Variants in TASP1 observed in about 807,000 individuals in gnomAD.
TASP1 encodes taspase 1.
Under a neutral mutation model 56.6 loss-of-function variants are expected in TASP1, and 16 were observed. That is an observed-to-expected ratio of 0.28 (90% CI 0.19 to 0.43). The LOEUF (loss-of-function observed/expected upper bound fraction) is 0.43, where lower values mean the gene tolerates loss of function less well. Ranked by LOEUF, TASP1 falls within the 20% of genes least tolerant of loss-of-function variation. TASP1 has a pLI of 1.00. For synonymous variants in TASP1, 179 were observed against 184.2 expected (o/e 0.97, Z 0.23); for missense variants, 393 against 511.6 (o/e 0.77, Z 2.24).
the TASP1 span, among the ~76,000 whole-genome samples, chr20:13,355,288 T>C: frequency 1.3e-5 from 2 of 152,092 alleles, no homozygotes; most frequent in South Asian, 4.2e-4. Flanking sequence ...CTTCTAAAAT[T>C]AGAGAGAGAA....
At chr20:13,507,979 A>G (rs1421932552) in intron 10 of TASP1, among the ~76,000 whole-genome samples, 2 of 152,200 alleles carry the variant, frequency 1.3e-5, no homozygotes, top group Admixed American at 1.3e-4. Flanking sequence ...ACAATGGAGA[A>G]GGGATGTTCT....
chr20:13,611,544 G>A (rs894698636), intron 4 of TASP1, among the ~76,000 whole-genome samples: 28 of 152,102 alleles, frequency 1.8e-4, no homozygotes, highest in African/African-American at 5.1e-4. Flanking sequence ...AGCTCATTCC[G>A]GCTTTACTAT....
At chr20:13,417,073 T>C (rs1254561835) in intron 13 of TASP1, among the ~76,000 whole-genome samples, 1 of 152,230 alleles carries the variant, frequency 6.6e-6, no homozygotes, top group African/African-American at 2.4e-5. Flanking sequence ...CTCAGTTTCC[T>C]TTATTCCAAC....
intron 6 of TASP1, among the ~76,000 whole-genome samples, chr20:13,578,515 G>A (rs1261199296): frequency 2.6e-5 from 4 of 151,902 alleles, no homozygotes; most frequent in Non-Finnish European, 5.9e-5. Flanking sequence ...TCAATACTTA[G>A]CTTTATTTTT....
intron 11 of TASP1, among the ~76,000 whole-genome samples, chr20:13,468,605 C>G (rs899195178): frequency 2.0e-5 from 3 of 152,078 alleles, no homozygotes; most frequent in Non-Finnish European, 2.9e-5. Flanking sequence ...CCAAATGCAG[C>G]TTAGGCCCTA....
chr20:13,310,129 C>T, the TASP1 span, among the ~76,000 whole-genome samples: 1 of 152,012 alleles, frequency 6.6e-6, no homozygotes, highest in Non-Finnish European at 1.5e-5. Flanking sequence ...TACTAAATAG[C>T]CAAAGCAATC....
chr20:13,373,144 T>C, the TASP1 span, among the ~76,000 whole-genome samples: 1 of 152,074 alleles, frequency 6.6e-6, no homozygotes, highest in African/African-American at 2.4e-5. Flanking sequence ...TATCATCTAG[T>C]ATCATTTCCT....
the TASP1 span, among the ~76,000 whole-genome samples, chr20:13,269,736 ATCT>A: frequency 1.2e-4 from 19 of 152,006 alleles, no homozygotes; most frequent in Non-Finnish European, 2.2e-4. Flanking sequence ...ACTCTCCATC[ATCT>A]TCTTTCTTTT....
intron 4 of TASP1, among the ~76,000 whole-genome samples, chr20:13,607,939 G>A (rs755990496): frequency 4.2e-4 from 64 of 152,050 alleles, no homozygotes; most frequent in African/African-American, 1.1e-3. Flanking sequence ...GTACCACTGC[G>A]TACTCCAGCT....
the TASP1 span, among the ~76,000 whole-genome samples, chr20:13,219,694 T>C: frequency 3.9e-5 from 6 of 152,260 alleles, no homozygotes; most frequent in East Asian, 1.2e-3. Context: ...ATTTTAAAGA[T>C]GCTTCAGGCA....
At chr20:13,141,520 G>T in the TASP1 span, among the ~76,000 whole-genome samples, 1 of 152,278 alleles carries the variant, frequency 6.6e-6, no homozygotes, top group South Asian at 2.1e-4. Context: ...GCCAGGACAT[G>T]GTGTTTGCTC....
intron 11 of TASP1, among the ~76,000 whole-genome samples, chr20:13,462,480 C>CT (rs2044091052): frequency 6.6e-6 from 1 of 152,100 alleles, no homozygotes; most frequent in Non-Finnish European, 1.5e-5. Flanking sequence ...GGCATGAACC[C>CT]TTTTTTCCTA....
At chr20:13,595,566 G>T (rs1289422870) in intron 4 of TASP1, among the ~76,000 whole-genome samples, 1 of 151,924 alleles carries the variant, frequency 6.6e-6, no homozygotes, top group Non-Finnish European at 1.5e-5. Context: ...AAAAAGCAGG[G>T]GTTGCAATCC....
At chr20:13,620,726 T>A (rs2048684759) in intron 4 of TASP1, among the ~76,000 whole-genome samples, 1 of 152,244 alleles carries the variant, frequency 6.6e-6, no homozygotes, top group African/African-American at 2.4e-5. Context: ...TATTCTCAAA[T>A]TAAATATAAC....
chr20:13,497,155 T>C (rs547336057), intron 10 of TASP1, among the ~76,000 whole-genome samples: 3 of 152,260 alleles, frequency 2.0e-5, no homozygotes, highest in Non-Finnish European at 4.4e-5. Context: ...CTGAAAGATA[T>C]CCACACCCTG....
chr20:13,329,862 T>C, the TASP1 span, among the ~76,000 whole-genome samples: 208 of 152,296 alleles, frequency 1.4e-3, 1 homozygote, highest in East Asian at 0.01. Context: ...TAATTTTAGC[T>C]GCGGAGATTT....
At chr20:13,349,185 T>G in the TASP1 span, among the ~76,000 whole-genome samples, 1 of 152,198 alleles carries the variant, frequency 6.6e-6, no homozygotes, top group Admixed American at 6.5e-5. Context: ...CTCTGGGCTG[T>G]CTCACAGCTG....
chr20:13,123,731 C>CT, the TASP1 span, among the ~76,000 whole-genome samples: 2 of 152,162 alleles, frequency 1.3e-5, no homozygotes, highest in African/African-American at 2.4e-5. Flanking sequence ...AGGCCCATGC[C>CT]TTTTTGCTCC....
At chr20:13,153,064 A>C in the TASP1 span, among the ~76,000 whole-genome samples, 26 of 152,328 alleles carry the variant, frequency 1.7e-4, no homozygotes, top group South Asian at 1.0e-3. Flanking sequence ...ATTCCTGCCG[A>C]ACAGCAATCC....
Sources: gnomAD v4.1 joint callset for allele counts (sites outside exome capture counted in the v4.1 genomes callset) on GRCh38, gnomAD v4.1.1 for gene constraint, MANE v1.5 for transcripts, NCBI Gene and HGNC (gene_info 2026-07-23, HGNC 2026-07-21) for gene names.